GPR4: variants seen among roughly 807,000 people sequenced by gnomAD.
GPR4 encodes the protein G-prodeshotein coupled receptor 4.
A neutral mutation model predicts 17.8 loss-of-function variants in GPR4; 11 were observed. The ratio of observed to expected loss-of-function variants is 0.62; its 90% CI spans 0.39 to 1.02. GPR4 has a LOEUF of 1.02. Ranked by LOEUF, GPR4 falls within the 50% of genes least tolerant of loss-of-function variation. GPR4 has a pLI of 0.00. For synonymous variants in GPR4, 219 were observed against 222.8 expected, an observed-to-expected ratio of 0.98 and a Z score of 0.15; for missense variants, 364 against 495.4, an observed-to-expected ratio of 0.73 and a Z score of 2.52.
In GPR4 at chr19:45,591,633, C is replaced by G; in HGVS notation, c.234G>C (p.Leu78=). The G allele has an allele frequency of 1.2e-6, 2 of 1,614,026 alleles. No homozygotes were observed. The change falls in exon 2 of 2, where the codon CTG becomes CTC. Residue 78 remains leucine, a synonymous_variant. Coordinates refer to ENST00000323040, the MANE Select transcript of GPR4 (RefSeq NM_005282.3). This position sits in a 1 kb window ranked among gnomAD's most constrained non-coding sequence, Gnocchi z 7.6. ...CTLPLWVDYF[L]HHDNWIHGPG... Reference sequence around the variant, plus strand: ...GGCCGTGGATCCAGTTGTCGTGGTGCAGGAAGTAGTCCACCCACAGCGGCA... The same window carrying G: ...GGCCGTGGATCCAGTTGTCGTGGTGGAGGAAGTAGTCCACCCACAGCGGCA...
chr19:45,594,688 G>C (rs1031342569), intron 1 of GPR4, among the ~76,000 whole-genome samples: 17 of 152,044 alleles, frequency 1.1e-4, no homozygotes, highest in Admixed American at 3.9e-4. Flanking sequence ...TTCCACCCCA[G>C]AATAACTGGA....
Position 45,599,033 on chromosome 19 carries a change from G to T in GPR4, c.-832+3062C>A, listed in dbSNP as rs529697326. 4.3e-4 allele frequency among the ~76,000 whole-genome samples: 66 copies of T among 152,224 alleles called. No individual in the cohort carries two copies. The South Asian group carries it at 0.012, about 27-fold the overall frequency. The stretch of plus-strand genomic sequence containing the variant: ...TTGGGATCTAAGTTCTGCCCCTTAG[G>T]CTCTGTTGAGGGGGTAAACCCCCAA... On this transcript the variant is annotated intron_variant, in intron 1 of 1. Transcript: ENST00000323040.
intron 1 of GPR4, among the ~76,000 whole-genome samples, chr19:45,600,313 C>T (rs575003226): frequency 1.3e-5 from 2 of 152,118 alleles, no homozygotes; most frequent in East Asian, 1.9e-4. Flanking sequence ...GCCCTGTCCC[C>T]GAGGGAACGG....
At position 45,591,413 on chromosome 19, in the gene GPR4, GC is replaced by G; in HGVS notation, c.453del (p.Leu153CysfsTer29). ...CGGAAGAGCTCGTCATGGAACAGGGGCGCCGAGTTGGCGCCCAGCTCCGTGG... is the reference window on the plus strand; with the variant it reads ...CGGAAGAGCTCGTCATGGAACAGGGGGCCGAGTTGGCGCCCAGCTCCGTGG... ...VWATELGANS[A>X]PLFHDELFRD... is the part of the protein sequence containing the mutation. On this transcript the variant is annotated frameshift_variant, in exon 2 of 2. Coordinates refer to ENST00000323040, the MANE Select transcript of GPR4 (RefSeq NM_005282.3). LOFTEE classifies it high-confidence loss of function. The surrounding 1 kb of genome is among the most constrained non-coding windows in gnomAD (Gnocchi z 7.6). The G allele has an allele frequency of 6.2e-7, 1 of 1,608,338 alleles. No homozygotes were observed. Among genetic ancestry groups the G allele is most frequent in the Non-Finnish European group, 8.5e-7 (1 of 1,178,692 alleles).
In GPR4 at chr19:45,592,455, A is replaced by G. The variant is rs529280052; in HGVS notation, c.-589T>C. 6.0e-6 allele frequency: 1 copy of G among 167,454 alleles called. No individual in the cohort carries two copies. The highest frequency in any genetic ancestry group is 2.1e-4 in the South Asian group (1 of 4,856). The allele number at this position is 167,454 out of a possible 1,614,324, so 10.4% of individuals were successfully genotyped here. On this transcript the variant is annotated 5_prime_UTR_variant, in exon 2 of 2. Transcript: ENST00000323040. ...GAAAGCAACAGAGATAAGTAAGGTC[A>G]CCAGTAAGGAGAAGGTTCTGGAAAA...
chr19:45,592,020 A>AGGCTG lies in GPR4; in HGVS notation c.-159_-155dup. On this transcript the variant is annotated 5_prime_UTR_variant, in exon 2 of 2. Transcript: ENST00000323040. ...CTACAGGGAAGAGATGAGGTTGGGT[A>AGGCTG]GGCTGGGCTGGGCTGGGAAGGGCAG... The AGGCTG allele has an allele frequency of 1.3e-6, 1 of 764,372 alleles. No individual in the cohort carries two copies. The highest frequency in any genetic ancestry group is 2.0e-6 in the Non-Finnish European group (1 of 496,458). 47.3% of individuals were successfully genotyped at this position (764,372 alleles called of 1,614,324 possible).
Position 45,592,028 on chromosome 19 carries a change from C to T in GPR4, c.-162G>A. 1.5e-6 allele frequency: 1 copy of T among 683,176 alleles called. No homozygotes were observed. Among genetic ancestry groups the T allele is most frequent in the Non-Finnish European group, 2.3e-6 (1 of 427,906 alleles). 42.3% of individuals were successfully genotyped at this position (683,176 alleles called of 1,614,324 possible). Reference sequence around the variant, plus strand: ...AAGAGATGAGGTTGGGTAGGCTGGGCTGGGCTGGGAAGGGCAGAGCTTGAG... The same window carrying T: ...AAGAGATGAGGTTGGGTAGGCTGGGTTGGGCTGGGAAGGGCAGAGCTTGAG... On this transcript the variant is annotated 5_prime_UTR_variant, in exon 2 of 2. Coordinates refer to ENST00000323040, the MANE Select transcript of GPR4 (RefSeq NM_005282.3).
At chr19:45,597,453 A>G (rs1306582805) in intron 1 of GPR4, among the ~76,000 whole-genome samples, 4 of 151,874 alleles carry the variant, frequency 2.6e-5, no homozygotes, top group African/African-American at 9.7e-5. Context: ...CTGCCCCAGG[A>G]CCCTCTCCTC....
chr19:45,599,324 G>A (rs187744989), intron 1 of GPR4, among the ~76,000 whole-genome samples: 2 of 151,178 alleles, frequency 1.3e-5, no homozygotes, highest in Admixed American at 6.6e-5. Flanking sequence ...ACAGCCCCCC[G>A]CATCCCCCAG....
At chr19:45,594,046 TAAAAA>T (rs1177623997) in intron 1 of GPR4, among the ~76,000 whole-genome samples, 1,336 of 50,160 alleles carry the variant, frequency 0.027, 41 homozygotes, top group Non-Finnish European at 0.032. Flanking sequence ...ATGCCTGGCT[TAAAAA>T]AAAAAAAAAA....
At chr19:45,597,718 C>A (rs1970071675) in intron 1 of GPR4, among the ~76,000 whole-genome samples, 1 of 152,170 alleles carries the variant, frequency 6.6e-6, no homozygotes, top group African/African-American at 2.4e-5. Context: ...GGCTGCCCCA[C>A]CCCACCCCAG....
intron 1 of GPR4, among the ~76,000 whole-genome samples, chr19:45,597,946 G>A (rs926052545): frequency 6.6e-6 from 1 of 152,188 alleles, no homozygotes; most frequent in Non-Finnish European, 1.5e-5. Context: ...GCAGAAGCTT[G>A]TGGGTCCTGT....
chr19:45,595,378 A>C, intron 1 of GPR4, among the ~76,000 whole-genome samples: 1 of 152,132 alleles, frequency 6.6e-6, no homozygotes, highest in East Asian at 1.9e-4. Flanking sequence ...CCAAAGCTGC[A>C]GAGGAGTAAG....
At chr19:45,601,878 A>G (rs59548860) in intron 1 of GPR4, among the ~76,000 whole-genome samples, 1 of 151,922 alleles carries the variant, frequency 6.6e-6, no homozygotes, top group Non-Finnish European at 1.5e-5. Flanking sequence ...AAGGAAAGAC[A>G]CGTCCAGAGG....
In GPR4 at chr19:45,602,090, C is replaced by T. The variant is rs1970116797; in HGVS notation, c.-832+5G>A. The T allele has an allele frequency of 6.6e-6, 1 of 152,304 alleles. No individual in the cohort carries two copies. The highest frequency in any genetic ancestry group is 2.1e-4 in the South Asian group (1 of 4,844). The allele number at this position is 152,304 out of a possible 1,614,324, so 9.4% of individuals were successfully genotyped here. A position where few individuals can be genotyped will look rare whatever the true frequency, so the allele number is the denominator to read the frequency against. ...GCGGGCAGCCGGGGAGGACCCGGCA[C>T]TTACCTGCGCGCGGCGACTGGACGG... On this transcript the variant is annotated splice_donor_5th_base_variant and intron_variant, in intron 1 of 1. Coordinates refer to ENST00000323040, the MANE Select transcript of GPR4 (RefSeq NM_005282.3).
chr19:45,591,602 A>T lies in GPR4; in HGVS notation c.265T>A (p.Ser89Thr), dbSNP rs551318972. The T allele has an allele frequency of 5.0e-5, 81 of 1,613,816 alleles. No individual in the cohort carries two copies. The highest frequency in any genetic ancestry group is 6.4e-5 in the Non-Finnish European group (76 of 1,180,008). The change falls in exon 2 of 2, where the codon TCC (serine) becomes ACC (threonine). Residue 89 changes from serine (S) to threonine (T), a missense_variant. This residue lies in a region of GPR4 where 271 missense variants were observed against 373.1 expected (regional missense o/e 0.73). Coordinates refer to ENST00000323040, the MANE Select transcript of GPR4 (RefSeq NM_005282.3). This position sits in a 1 kb window ranked among gnomAD's most constrained non-coding sequence, Gnocchi z 7.6. ...AAGATGAACCCAAAGAGCTTGCAGG[A>T]CCCGGGGCCGTGGATCCAGTTGTCG... ...HHDNWIHGPGSCKLFGFIFYT... is the reference protein window; with the variant it reads ...HHDNWIHGPGTCKLFGFIFYT...
chr19:45,597,974 G>A (rs936127198), intron 1 of GPR4, among the ~76,000 whole-genome samples: 8 of 152,080 alleles, frequency 5.3e-5, no homozygotes, highest in Non-Finnish European at 7.4e-5. Flanking sequence ...GGATGGGTGG[G>A]GGCGTACTCC....
At chr19:45,597,501 T>C (rs1161029291) in intron 1 of GPR4, among the ~76,000 whole-genome samples, 1 of 152,158 alleles carries the variant, frequency 6.6e-6, no homozygotes, top group African/African-American at 2.4e-5. Context: ...CTGCCTAGAA[T>C]AGGTTGTCCA....
At chr19:45,596,667 C>T (rs1481340041) in intron 1 of GPR4, among the ~76,000 whole-genome samples, 2 of 152,158 alleles carry the variant, frequency 1.3e-5, no homozygotes, top group East Asian at 1.9e-4. Context: ...ACCTCAGCCT[C>T]GTAAGTGGCT....
Sources: allele counts gnomAD v4.1 joint callset (sites outside exome capture counted in the v4.1 genomes callset), GRCh38; gene constraint gnomAD v4.1.1; regional missense constraint gnomAD v4.1.1; non-coding constraint Gnocchi (gnomAD v3.1); transcripts MANE v1.5; gene names NCBI Gene and HGNC (gene_info 2026-07-23, HGNC 2026-07-21).